The following NEU2 variants were observed in gnomAD, a reference collection of about 807,000 sequenced individuals.
The protein encoded by NEU2 is sialidase-2.
A neutral mutation model predicts 6.3 loss-of-function variants in NEU2; 7 were observed. The observed-to-expected ratio is 1.12, with a 90% CI of 0.63 to 2.10. The LOEUF is 2.10. NEU2 is among the 30% of genes most tolerant of loss of function. The probability of loss-of-function intolerance (pLI) is 0.00; values close to 1 mark genes in which losing one functional copy is unlikely to be tolerated. For synonymous variants in NEU2, 208 were observed against 223.3 expected (o/e 0.93, Z 0.61); for missense variants, 509 against 504.0 (o/e 1.01, Z -0.09).
chr2:233,034,896 G>C lies in NEU2; in HGVS notation c.982G>C (p.Ala328Pro). 6.2e-7 allele frequency: 1 copy of C among 1,614,084 alleles called. No homozygotes were observed. Among genetic ancestry groups the C allele is most frequent in the South Asian group, 1.1e-5 (1 of 91,082 alleles). Residue 328 changes from alanine (A) to proline (P), a missense_variant, in exon 2 of 2, where the codon GCC becomes CCC. Transcript: ENST00000233840. This position sits in a 1 kb window ranked among gnomAD's most constrained non-coding sequence, Gnocchi z 4.8. ...GGCCTGGTCAGAGCCGGTACTGCTG[G>C]CCAAGGGCAGCTGTGCCTACTCAGA... The part of the protein sequence containing the change: ...PEAWSEPVLL[A>P]KGSCAYSDLQ...
chr2:233,032,872 G>C lies in NEU2; in HGVS notation c.201G>C (p.Gln67His), dbSNP rs1690534588. The change falls in exon 1 of 2, where the codon CAG becomes CAC. Residue 67 changes from glutamine (Q) to histidine (H), a missense_variant and splice_region_variant. Physicochemically the swap from Gln to His is conservative, Grantham distance 24. Coordinates refer to ENST00000233840, the MANE Select transcript of NEU2 (RefSeq NM_005383.2). ...GDYDAPTHQV[Q>H]WQAQEVVAQA... Reference sequence around the variant, plus strand: ...ACGACGCACCCACCCACCAGGTTCAGGTGAGGCAGGAGGTGTCTGCACTGG... The same window carrying C: ...ACGACGCACCCACCCACCAGGTTCACGTGAGGCAGGAGGTGTCTGCACTGG... 1 of 1,589,280 alleles carries C rather than the reference G, an allele frequency of 6.3e-7. No individual in the cohort carries two copies.
chr2:233,033,403 C>G (rs1467689615), intron 1 of NEU2, among the ~76,000 whole-genome samples: 1 of 152,214 alleles, frequency 6.6e-6, no homozygotes, highest in East Asian at 1.9e-4. Flanking sequence ...CCACTGACCA[C>G]AGATGTGGCC....
chr2:233,034,103 T>C lies in NEU2; in HGVS notation c.202-13T>C. On this transcript the variant is annotated splice_polypyrimidine_tract_variant and intron_variant, in intron 1 of 1. Coordinates refer to ENST00000233840, the MANE Select transcript of NEU2 (RefSeq NM_005383.2). The surrounding 1 kb of genome is among the most constrained non-coding windows in gnomAD (Gnocchi z 4.8). ...TTTCAAGGCTGCCTTCTTCTTTCTC[T>C]CTCCCTACTCAGTGGCAAGCTCAGG... 1 of 1,588,214 alleles carries C rather than the reference T, an allele frequency of 6.3e-7. No individual in the cohort carries two copies. The highest frequency in any genetic ancestry group is 8.6e-7 in the Non-Finnish European group (1 of 1,166,648).
At position 233,034,586 on chromosome 2, in the gene NEU2, C is replaced by T. The variant is rs540432557; in HGVS notation, c.672C>T (p.Val224=). The T allele has an allele frequency of 2.3e-5, 37 of 1,614,004 alleles. No individual in the cohort carries two copies. The East Asian group carries it at 6.0e-4, about 26-fold the overall frequency. Residue 224 remains valine, a synonymous_variant, in exon 2 of 2, where the codon GTC becomes GTT. Coordinates refer to ENST00000233840, the MANE Select transcript of NEU2 (RefSeq NM_005383.2). This position sits in a 1 kb window ranked among gnomAD's most constrained non-coding sequence, Gnocchi z 4.8. ...QDTLECQVAE[V]ETGEQRVVTL... Reference sequence around the variant, plus strand: ...CCCTGGAGTGCCAGGTGGCCGAAGTCGAGACTGGGGAGCAGAGGGTGGTGA... The same window carrying T: ...CCCTGGAGTGCCAGGTGGCCGAAGTTGAGACTGGGGAGCAGAGGGTGGTGA...
Position 233,035,035 on chromosome 2 carries a change from C to T in NEU2, c.1121C>T (p.Pro374Leu). Reference protein sequence around the residue: ...FLMFTLKQAFPAEYLPQ With the variant: ...FLMFTLKQAFLAEYLPQ Reference sequence around the variant, plus strand: ...ATGTTCACCCTGAAGCAAGCCTTCCCAGCTGAGTACCTGCCTCAGTGAGCC... The same window carrying T: ...ATGTTCACCCTGAAGCAAGCCTTCCTAGCTGAGTACCTGCCTCAGTGAGCC... The change falls in exon 2 of 2, where the codon CCA becomes CTA. Residue 374 changes from proline to leucine, a missense_variant. Transcript: ENST00000233840. 10 of 1,604,820 alleles carry T rather than the reference C, an allele frequency of 6.2e-6. No homozygotes were observed. Among genetic ancestry groups the T allele is most frequent in the Non-Finnish European group, 8.5e-6 (10 of 1,174,646 alleles).
At position 233,034,820 on chromosome 2, in the gene NEU2, G is replaced by A. The variant is rs1690567080; in HGVS notation, c.906G>A (p.Trp302Ter). The change falls in exon 2 of 2, where the codon TGG becomes TGA. Residue 302 changes from tryptophan (W) to a stop codon, truncating the protein, a stop_gained. Transcript: ENST00000233840. LOFTEE classifies it low-confidence loss of function (END_TRUNC). This position sits in a 1 kb window ranked among gnomAD's most constrained non-coding sequence, Gnocchi z 4.8. ...TCTACACTCACCCCACACACTCCTG[G>A]CAGAGGGCCGACCTGGGTGCCTACC... ...WLLYTHPTHS[W>*]QRADLGAYLN... 1 of 1,592,678 alleles carries A rather than the reference G, an allele frequency of 6.3e-7. No individual in the cohort carries two copies. Among genetic ancestry groups the A allele is most frequent in the Non-Finnish European group, 8.6e-7 (1 of 1,168,224 alleles).
chr2:233,034,634 C>T lies in NEU2; in HGVS notation c.720C>T (p.Leu240=). 6.2e-7 allele frequency: 1 copy of T among 1,604,634 alleles called. No individual in the cohort carries two copies. The highest frequency in any genetic ancestry group is 1.3e-5 in the African/African-American group (1 of 74,886). ...TGACCCTCAACGCGAGAAGCCACCTCCGAGCCAGGGTCCAGGCCCAGAGCA... is the reference window on the plus strand; with the variant it reads ...TGACCCTCAACGCGAGAAGCCACCTTCGAGCCAGGGTCCAGGCCCAGAGCA... ...RVVTLNARSH[L]RARVQAQSTN... is the part of the protein sequence containing the mutation. Residue 240 remains leucine (L), a synonymous_variant, in exon 2 of 2, where the codon CTC becomes CTT. Coordinates refer to ENST00000233840, the MANE Select transcript of NEU2 (RefSeq NM_005383.2). The surrounding 1 kb of genome is among the most constrained non-coding windows in gnomAD (Gnocchi z 4.8).
chr2:233,034,522 G>A lies in NEU2; in HGVS notation c.608G>A (p.Gly203Glu), dbSNP rs544468181. 9.9e-6 allele frequency: 16 copies of A among 1,614,086 alleles called. No individual in the cohort carries two copies. Among genetic ancestry groups the A allele is most frequent in the Admixed American group, 8.3e-5 (5 of 60,022 alleles). The change falls in exon 2 of 2, where the codon GGG (glycine) becomes GAG (glutamate). Residue 203 changes from glycine (G) to glutamate (E), a missense_variant. Physicochemically the swap from Gly to Glu is moderately conservative, Grantham distance 98. Coordinates refer to ENST00000233840, the MANE Select transcript of NEU2 (RefSeq NM_005383.2). The surrounding 1 kb of genome is among the most constrained non-coding windows in gnomAD (Gnocchi z 4.8). ...SAFCFLSHDH[G>E]RTWARGHFVA... ...TTCTGCTTCCTCAGCCATGACCATG[G>A]GCGCACGTGGGCGCGAGGGCACTTT...
chr2:233,033,449 C>A (rs1690542184), intron 1 of NEU2, among the ~76,000 whole-genome samples: 1 of 152,180 alleles, frequency 6.6e-6, no homozygotes, highest in African/African-American at 2.4e-5. Flanking sequence ...GTCTCTTGCT[C>A]ACTGTAATAA....
chr2:233,034,431 A>G lies in NEU2; in HGVS notation c.517A>G (p.Ser173Gly). 1 of 1,613,916 alleles carries G rather than the reference A, an allele frequency of 6.2e-7. No homozygotes were observed. The highest frequency in any genetic ancestry group is 8.5e-7 in the Non-Finnish European group (1 of 1,179,868). Residue 173 changes from serine to glycine, a missense_variant, in exon 2 of 2, where the codon AGC becomes GGC. Transcript: ENST00000233840. The surrounding 1 kb of genome is among the most constrained non-coding windows in gnomAD (Gnocchi z 4.8). ...TTTGCAGCTTCACGACAGGGCCCGGAGCCTGGTGGTGCCCGCCTACGCCTA... is the reference window on the plus strand; with the variant it reads ...TTTGCAGCTTCACGACAGGGCCCGGGGCCTGGTGGTGCCCGCCTACGCCTA... The part of the protein sequence containing the change: ...HCLQLHDRAR[S>G]LVVPAYAYRK...
rs748717537 is a variant in NEU2 at position 233,034,168 on chromosome 2, T to C, written c.254T>C (p.Met85Thr). Residue 85 changes from methionine to threonine, a missense_variant, in exon 2 of 2, where the codon ATG (methionine) becomes ACG (threonine). Transcript: ENST00000233840. The surrounding 1 kb of genome is among the most constrained non-coding windows in gnomAD (Gnocchi z 4.8). ...GCCCGGCTGGATGGCCACCGGTCCA[T>C]GAACCCATGCCCCTTGTATGACGCG... is the stretch of plus-strand genomic sequence containing the variant. The part of the protein sequence containing the change: ...AQARLDGHRS[M>T]NPCPLYDAQT... The C allele has an allele frequency of 2.2e-5, 35 of 1,613,810 alleles. No homozygotes were observed. Among genetic ancestry groups the C allele is most frequent in the Non-Finnish European group, 2.8e-5 (33 of 1,179,956 alleles).
rs752606304 is a variant in NEU2 at position 233,034,821 on chromosome 2, C to T, written c.907C>T (p.Gln303Ter). The T allele has an allele frequency of 5.0e-6, 8 of 1,593,158 alleles. No individual in the cohort carries two copies. The highest frequency in any genetic ancestry group is 6.0e-6 in the Non-Finnish European group (7 of 1,168,596). Residue 303 changes from glutamine to a stop codon, truncating the protein, a stop_gained, in exon 2 of 2, where the codon CAG (glutamine) becomes TAG (stop). Coordinates refer to ENST00000233840, the MANE Select transcript of NEU2 (RefSeq NM_005383.2). LOFTEE classifies it low-confidence loss of function (END_TRUNC). This position sits in a 1 kb window ranked among gnomAD's most constrained non-coding sequence, Gnocchi z 4.8. ...CTACACTCACCCCACACACTCCTGG[C>T]AGAGGGCCGACCTGGGTGCCTACCT... ...LLYTHPTHSW[Q>*]RADLGAYLNP... is the part of the protein sequence containing the mutation.
At position 233,032,782 on chromosome 2, in the gene NEU2, C is replaced by T. The variant is rs371153677; in HGVS notation, c.111C>T (p.Phe37=). ...CTGGGCAGCAGTCCCTGCTGGCCTT[C>T]GCGGAACAGCGGGCAAGCAAGAAGG... The part of the protein sequence containing the change: ...YLPGQQSLLA[F]AEQRASKKDE... Residue 37 remains phenylalanine (F), a synonymous_variant, in exon 1 of 2, where the codon TTC becomes TTT. Transcript: ENST00000233840. The T allele has an allele frequency of 5.0e-6, 8 of 1,614,070 alleles. No homozygotes were observed. The highest frequency in any genetic ancestry group is 3.3e-5 in the South Asian group (3 of 91,082).
chr2:233,033,607 G>A (rs1690544416), intron 1 of NEU2, among the ~76,000 whole-genome samples: 1 of 152,192 alleles, frequency 6.6e-6, no homozygotes, highest in Non-Finnish European at 1.5e-5. Context: ...ACATAGACTT[G>A]GGGATTCTGG....
rs144126605 is a variant in NEU2, at chr2:233,034,451, C to T, written c.537C>T (p.Tyr179=). 924 of 1,613,964 alleles carry T rather than the reference C, an allele frequency of 5.7e-4. No individual in the cohort carries two copies. The African/African-American group carries it at 8.6e-3, about 15-fold the overall frequency. Residue 179 remains tyrosine, a synonymous_variant, in exon 2 of 2, where the codon TAC becomes TAT. Coordinates refer to ENST00000233840, the MANE Select transcript of NEU2 (RefSeq NM_005383.2). This position sits in a 1 kb window ranked among gnomAD's most constrained non-coding sequence, Gnocchi z 4.8. ...DRARSLVVPA[Y]AYRKLHPIQR... ...CCCGGAGCCTGGTGGTGCCCGCCTA[C>T]GCCTACCGGAAACTTCACCCCATCC...
Position 233,034,866 on chromosome 2 carries a change from C to G in NEU2, c.952C>G (p.Pro318Ala), listed in dbSNP as rs746668126. Residue 318 changes from proline (P) to alanine (A), a missense_variant, in exon 2 of 2, where the codon CCT (proline) becomes GCT (alanine). Pro to Ala is a conservative substitution (Grantham distance 27). Transcript: ENST00000233840. This position sits in a 1 kb window ranked among gnomAD's most constrained non-coding sequence, Gnocchi z 4.8. ...GAYLNPRPPA[P>A]EAWSEPVLLA... ...CTACCTCAACCCGCGACCTCCAGCCCCTGAGGCCTGGTCAGAGCCGGTACT... is the reference window on the plus strand; with the variant it reads ...CTACCTCAACCCGCGACCTCCAGCCGCTGAGGCCTGGTCAGAGCCGGTACT... The G allele has an allele frequency of 1.2e-6, 2 of 1,613,090 alleles. No homozygotes were observed. The highest frequency in any genetic ancestry group is 1.7e-6 in the Non-Finnish European group (2 of 1,179,374).
In NEU2 at chr2:233,034,484, G is replaced by A. The variant is rs534031078; in HGVS notation, c.570G>A (p.Pro190=). 2.0e-5 allele frequency: 32 copies of A among 1,614,154 alleles called. No homozygotes were observed. Among genetic ancestry groups the A allele is most frequent in the Admixed American group, 1.8e-4 (11 of 60,018 alleles). The change falls in exon 2 of 2, where the codon CCG becomes CCA. Residue 190 remains proline (P), a synonymous_variant. Coordinates refer to ENST00000233840, the MANE Select transcript of NEU2 (RefSeq NM_005383.2). The surrounding 1 kb of genome is among the most constrained non-coding windows in gnomAD (Gnocchi z 4.8). ...AYRKLHPIQR[P]IPSAFCFLSH... The stretch of plus-strand genomic sequence containing the variant: ...GGAAACTTCACCCCATCCAAAGGCC[G>A]ATCCCCTCTGCCTTCTGCTTCCTCA...
Position 233,034,749 on chromosome 2 carries a change from TTCCCCAGCCCCCGCTCGGGGCCTGGC to T in NEU2, c.846_871del (p.Arg283ValfsTer28), listed in dbSNP as rs1690565248. 6.5e-7 allele frequency: 1 copy of T among 1,538,306 alleles called. No individual in the cohort carries two copies. The highest frequency in any genetic ancestry group is 8.8e-7 in the Non-Finnish European group (1 of 1,142,010). On this transcript the variant is annotated frameshift_variant, in exon 2 of 2. Transcript: ENST00000233840. LOFTEE classifies it low-confidence loss of function (END_TRUNC). This position sits in a 1 kb window ranked among gnomAD's most constrained non-coding sequence, Gnocchi z 4.8. ...GGGCTGCCAGGGGAGCGTCATCAGC[TTCCCCAGCCCCCGCTCGGGGCCTGGC>T]TCCCCAGCCCAGTGGCTGCTCTACA...
chr2:233,033,899 G>A lies in NEU2; in HGVS notation c.202-217G>A, dbSNP rs183217168. Among the ~76,000 whole-genome samples, 6 of 152,298 alleles carry A rather than the reference G, an allele frequency of 3.9e-5. No homozygotes were observed. In the East Asian group the frequency reaches 1.2e-3, roughly 29 times the overall value. On this transcript the variant is annotated intron_variant, in intron 1 of 1. Coordinates refer to ENST00000233840, the MANE Select transcript of NEU2 (RefSeq NM_005383.2). ...GGAAGGAACAGAATCACTCAGCCGA[G>A]TGTGGCTGCCTTGGAGGGGTGAGGT...
Sources: allele counts gnomAD v4.1 joint callset (sites outside exome capture counted in the v4.1 genomes callset), GRCh38; gene constraint gnomAD v4.1.1; non-coding constraint Gnocchi (gnomAD v3.1); transcripts MANE v1.5; gene names NCBI Gene and HGNC (gene_info 2026-07-23, HGNC 2026-07-21).